Variants in TRPC7 observed in about 807,000 individuals in gnomAD.
TRPC7 encodes the protein short transient receptor potential channel 7.
TRPC7 carries 42 observed loss-of-function variants against 90.1 expected under a neutral mutation model. That is an observed-to-expected ratio of 0.47 (90% CI 0.36 to 0.60). The LOEUF (loss-of-function observed/expected upper bound fraction) is 0.60, where lower values mean the gene tolerates loss of function less well. Ranked by LOEUF, TRPC7 falls within the 20% of genes least tolerant of loss-of-function variation. TRPC7 has a pLI of 0.00. For synonymous variants in TRPC7, 451 were observed against 436.3 expected (o/e 1.03, Z -0.42); for missense variants, 955 against 1,112.3 (o/e 0.86, Z 2.01).
At position 136,228,436 on chromosome 5, in the gene TRPC7, CT is replaced by C. The variant is rs55851435; in HGVS notation, c.2041-2182del. 8.5e-3 allele frequency among the ~76,000 whole-genome samples: 1,199 copies of C among 140,460 alleles called. 19 individuals are homozygous for C. The highest frequency in any genetic ancestry group is 0.024 in the African/African-American group (896 of 38,076). The allele number at this position is 140,460 out of a possible 152,430, so 92.1% of individuals were successfully genotyped here. ...CTAGAGGGAGGATTTTTTATAGTTC[CT>C]TTTTTTTTTTTTTTAAGATCAAGTG... On this transcript the variant is annotated intron_variant, in intron 8 of 11. Transcript: ENST00000513104.
chr5:136,224,972 C>A (rs1483257776), intron 10 of TRPC7, among the ~76,000 whole-genome samples: 1 of 152,136 alleles, frequency 6.6e-6, no homozygotes, highest in African/African-American at 2.4e-5. Flanking sequence ...GTTTTTGAGT[C>A]CTCCTGTTTG....
intron 3 of TRPC7, among the ~76,000 whole-genome samples, chr5:136,277,981 A>G (rs1405476328): frequency 2.0e-5 from 3 of 152,242 alleles, no homozygotes; most frequent in Non-Finnish European, 4.4e-5. Context: ...AGGAGTTTAC[A>G]TGGGGCTGAG....
intron 2 of TRPC7, among the ~76,000 whole-genome samples, chr5:136,326,099 A>G (rs1759335351): frequency 6.6e-6 from 1 of 152,242 alleles, no homozygotes; most frequent in African/African-American, 2.4e-5. Context: ...ATGAGTGCTT[A>G]AAACCCAGAA....
At chr5:136,304,797 C>A (rs996520354) in intron 3 of TRPC7, among the ~76,000 whole-genome samples, 11 of 150,170 alleles carry the variant, frequency 7.3e-5, no homozygotes, top group African/African-American at 2.5e-4. Flanking sequence ...GTCCAATTAA[C>A]CTTCCAAACC....
intron 2 of TRPC7, among the ~76,000 whole-genome samples, chr5:136,317,837 G>A (rs568650632): frequency 6.6e-6 from 1 of 152,298 alleles, no homozygotes; most frequent in East Asian, 1.9e-4. Context: ...GGCTCCCCAT[G>A]CTAGGAGCTA....
intron 2 of TRPC7, among the ~76,000 whole-genome samples, chr5:136,335,699 C>T (rs577732841): frequency 2.6e-5 from 4 of 151,656 alleles, no homozygotes; most frequent in Admixed American, 6.6e-5. Flanking sequence ...GTCAGGAGAT[C>T]GAGACCATCC....
rs371597007 is a variant in TRPC7 at position 136,325,527 on chromosome 5, C to T, written c.781-9748G>A. ...GGGAATTTTCTAGTAGGTAGATACG[C>T]TGATCATTGTCTATGATATCAGTAG... On this transcript the variant is annotated intron_variant, in intron 2 of 11. Coordinates refer to ENST00000513104, the MANE Select transcript of TRPC7 (RefSeq NM_020389.3). Among the ~76,000 whole-genome samples, 6 of 152,222 alleles carry T rather than the reference C, an allele frequency of 3.9e-5. No homozygotes were observed. In the South Asian group the frequency reaches 8.3e-4, roughly 21 times the overall value.
chr5:136,293,272 G>A (rs1758028368), intron 3 of TRPC7, among the ~76,000 whole-genome samples: 1 of 152,158 alleles, frequency 6.6e-6, no homozygotes. Context: ...TCAACATAGT[G>A]TTGGAAGTTC....
chr5:136,249,012 T>C (rs1041209990), intron 6 of TRPC7, among the ~76,000 whole-genome samples: 1 of 152,228 alleles, frequency 6.6e-6, no homozygotes, highest in African/African-American at 2.4e-5. Flanking sequence ...TGAGAAATGC[T>C]GAGTGAAATA....
chr5:136,319,991 G>T (rs1759140422), intron 2 of TRPC7, among the ~76,000 whole-genome samples: 1 of 152,088 alleles, frequency 6.6e-6, no homozygotes, highest in Admixed American at 6.6e-5. Context: ...CCCATACACT[G>T]GAGAGTCCAA....
At chr5:136,224,933 A>G (rs974173061) in intron 10 of TRPC7, among the ~76,000 whole-genome samples, 1 of 152,078 alleles carries the variant, frequency 6.6e-6, no homozygotes, top group Non-Finnish European at 1.5e-5. Context: ...TGAAAACTAT[A>G]TCTAGGCTGA....
intron 1 of TRPC7, among the ~76,000 whole-genome samples, chr5:136,362,027 C>A (rs1054711272): frequency 2.0e-5 from 3 of 152,096 alleles, no homozygotes; most frequent in Non-Finnish European, 4.4e-5. Context: ...CCTATCAATG[C>A]ACTTAGGTAC....
At chr5:136,311,032 C>G (rs1758810439) in intron 3 of TRPC7, among the ~76,000 whole-genome samples, 1 of 151,946 alleles carries the variant, frequency 6.6e-6, no homozygotes, top group Non-Finnish European at 1.5e-5. Flanking sequence ...CTTTTTTCCC[C>G]CAGTAGCAGG....
chr5:136,344,219 A>G (rs1453496690), intron 2 of TRPC7, among the ~76,000 whole-genome samples: 2 of 152,154 alleles, frequency 1.3e-5, no homozygotes, highest in South Asian at 2.1e-4. Flanking sequence ...GGAACTAAAC[A>G]CTGAGCGCAA....
intron 1 of TRPC7, among the ~76,000 whole-genome samples, chr5:136,358,287 A>G (rs2149862823): frequency 6.6e-6 from 1 of 152,294 alleles, no homozygotes. Flanking sequence ...CTTCTTACTT[A>G]TTGCTGTTTC....
chr5:136,365,425 T>G lies in TRPC7; in HGVS notation c.-171A>C, dbSNP rs2047544. On this transcript the variant is annotated 5_prime_UTR_variant, in exon 1 of 12. Transcript: ENST00000513104. ...TTGCAACGATGTGAAAGCGCGCTCC[T>G]CTGTTCTTTGTGTTGCAGTGGTAAA... The G allele has an allele frequency of 0.18, 123,815 of 678,618 alleles. 13,391 individuals carry two copies. Among genetic ancestry groups the G allele is most frequent in the African/African-American group, 0.36 (19,985 of 55,746 alleles). The allele number at this position is 678,618 out of a possible 1,614,324, so 42.0% of individuals were successfully genotyped here.
intron 2 of TRPC7, among the ~76,000 whole-genome samples, chr5:136,321,326 A>G (rs75882050): frequency 2.1e-3 from 326 of 152,324 alleles, no homozygotes; most frequent in Non-Finnish European, 3.2e-3. Flanking sequence ...ATTCTATAGT[A>G]TAGTCAGTAA....
chr5:136,254,608 T>A (rs919324282), intron 5 of TRPC7, among the ~76,000 whole-genome samples: 2 of 152,240 alleles, frequency 1.3e-5, no homozygotes, highest in African/African-American at 4.8e-5. Context: ...GGACAATGCA[T>A]GTGGTCACTT....
intron 3 of TRPC7, among the ~76,000 whole-genome samples, chr5:136,299,727 C>T (rs1469547780): frequency 6.6e-6 from 1 of 152,088 alleles, no homozygotes; most frequent in Non-Finnish European, 1.5e-5. Context: ...CAGAGTTAGT[C>T]ACAGATCCTT....
Sources: gnomAD v4.1 joint callset for allele counts (sites outside exome capture counted in the v4.1 genomes callset) on GRCh38, gnomAD v4.1.1 for gene constraint, MANE v1.5 for transcripts, NCBI Gene and HGNC (gene_info 2026-07-23, HGNC 2026-07-21) for gene names.